RGL1: variants seen among roughly 807,000 people sequenced by gnomAD.
The protein encoded by RGL1 is ral guanine nucleotide dissociation stimulator-like 1.
A neutral mutation model predicts 95.2 loss-of-function variants in RGL1; 24 were observed. The ratio of observed to expected loss-of-function variants is 0.25; its 90% CI spans 0.18 to 0.35. The LOEUF (loss-of-function observed/expected upper bound fraction) is 0.35. Among genes scored for constraint, RGL1 ranks in the 10% least tolerant of loss-of-function variants. RGL1 has a pLI of 1.00. For synonymous variants in RGL1, 329 were observed against 344.9 expected (o/e 0.95, Z 0.51); for missense variants, 715 against 936.3 (o/e 0.76, Z 3.08).
intron 2 of RGL1, among the ~76,000 whole-genome samples, chr1:183,816,442 C>A (rs79623632): frequency 0.19 from 28,627 of 152,020 alleles, 2,854 homozygotes; most frequent in Middle Eastern, 0.21. Flanking sequence ...TACTGTGCTA[C>A]ACGTTGATTA....
At chr1:183,795,307 A>C (rs1452458900) in intron 2 of RGL1, among the ~76,000 whole-genome samples, 1 of 152,290 alleles carries the variant, frequency 6.6e-6, no homozygotes, top group Admixed American at 6.5e-5. Context: ...TGATAGAGTT[A>C]ACAGTCTAAT....
intron 15 of RGL1, 102 bp from the exon 16 acceptor site, chr1:183,916,345 C>A: frequency 7.3e-7 from 1 of 1,373,528 alleles, no homozygotes; most frequent in Admixed American, 1.9e-5. Flanking sequence ...GAGGAAATAA[C>A]TGCAGTCTAT....
intron 3 of RGL1, among the ~76,000 whole-genome samples, chr1:183,850,651 A>T (rs1189439761): frequency 1.3e-5 from 2 of 152,196 alleles, no homozygotes; most frequent in African/African-American, 2.4e-5. Context: ...TGCTTGACAA[A>T]ATAGGCCTGG....
exon 2 of RGL1, chr1:183,742,269 G>A: frequency 6.2e-7 from 1 of 1,614,036 alleles, no homozygotes; most frequent in Non-Finnish European, 8.5e-7. Context: ...TCGAATATGG[G>A]AAGTTTTAAA....
intron 2 of RGL1, among the ~76,000 whole-genome samples, chr1:183,757,017 G>GTTTTT (rs1334256397): frequency 1.2e-5 from 1 of 80,802 alleles, no homozygotes; most frequent in Non-Finnish European, 2.3e-5. Flanking sequence ...TGGGTGGTTT[G>GTTTTT]TTTGTTTTTT....
At position 183,884,838 on chromosome 1, in the gene RGL1, A is replaced by C; in HGVS notation, c.851A>C (p.Asn284Thr). ...PTIRATISQF[N>T]TLTKCVVSTI... ...ATCCGTGCCACCATCTCTCAGTTTA[A>C]TACCCTCACCAAATGTGTTGTCAGC... Residue 284 changes from asparagine (N) to threonine (T), a missense_variant, in exon 7 of 18, where the codon AAT (asparagine) becomes ACT (threonine). Physicochemically the swap from Asn to Thr is moderately conservative, Grantham distance 65. Around this residue, in one of 3 missense-constraint regions of RGL1, gnomAD observed 381 missense variants for 484.8 expected, o/e 0.79. Coordinates refer to ENST00000360851, the MANE Select transcript of RGL1 (RefSeq NM_001297671.3). 6.2e-7 allele frequency: 1 copy of C among 1,614,158 alleles called. No homozygotes were observed. The highest frequency in any genetic ancestry group is 8.5e-7 in the Non-Finnish European group (1 of 1,179,994).
chr1:183,745,156 C>A (rs1657547038), intron 2 of RGL1, among the ~76,000 whole-genome samples: 1 of 152,044 alleles, frequency 6.6e-6, no homozygotes, highest in South Asian at 2.1e-4. Context: ...TGGATATTGG[C>A]CATTTAGTTT....
At chr1:183,690,333 G>A (rs2102108892) in intron 1 of RGL1, among the ~76,000 whole-genome samples, 1 of 152,290 alleles carries the variant, frequency 6.6e-6, no homozygotes, top group South Asian at 2.1e-4. Context: ...GAAAGAAGTA[G>A]ATGCAGATTT....
intron 10 of RGL1, among the ~76,000 whole-genome samples, chr1:183,899,428 T>C (rs972456988): frequency 2.6e-5 from 4 of 152,216 alleles, no homozygotes; most frequent in Non-Finnish European, 5.9e-5. Flanking sequence ...ATCCAGGTAT[T>C]CTGTAGAATG....
intron 10 of RGL1, 81 bp downstream of exon 10, chr1:183,897,978 C>A (rs1667798845): frequency 8.6e-7 from 1 of 1,161,528 alleles, no homozygotes; most frequent in Non-Finnish European, 1.3e-6. Flanking sequence ...GGCACTGGCA[C>A]CTTCAGTCAA....
At chr1:183,850,612 A>G (rs1009064629) in intron 3 of RGL1, among the ~76,000 whole-genome samples, 18 of 152,208 alleles carry the variant, frequency 1.2e-4, no homozygotes, top group African/African-American at 4.3e-4. Context: ...CAGCACAGAT[A>G]GGAAGTTCTG....
chr1:183,882,562 C>T (rs1380277193), intron 5 of RGL1, among the ~76,000 whole-genome samples: 3 of 152,146 alleles, frequency 2.0e-5, no homozygotes, highest in South Asian at 4.1e-4. Flanking sequence ...TTAGCTTGTA[C>T]CTGTTTGTGT....
At chr1:183,753,641 A>G (rs777973368) in intron 2 of RGL1, among the ~76,000 whole-genome samples, 1 of 152,184 alleles carries the variant, frequency 6.6e-6, no homozygotes, top group Non-Finnish European at 1.5e-5. Flanking sequence ...GGTAATAAAC[A>G]AGCTGGCATT....
intron 1 of RGL1, among the ~76,000 whole-genome samples, chr1:183,639,073 A>G (rs1649738121): frequency 6.6e-6 from 1 of 152,200 alleles, no homozygotes; most frequent in African/African-American, 2.4e-5. Flanking sequence ...TGAGGTGAGG[A>G]GTTCAAGACC....
chr1:183,779,873 T>C (rs1293386978), intron 2 of RGL1, among the ~76,000 whole-genome samples: 3 of 152,066 alleles, frequency 2.0e-5, no homozygotes, highest in Admixed American at 1.3e-4. Flanking sequence ...ATTTTATGCA[T>C]AGTGTGTGGG....
At chr1:183,919,848 A>G (rs922243617) in intron 16 of RGL1, among the ~76,000 whole-genome samples, 2 of 152,232 alleles carry the variant, frequency 1.3e-5, no homozygotes, top group Non-Finnish European at 2.9e-5. Flanking sequence ...TACAGCAGCC[A>G]CTGGCCACGG....
At chr1:183,825,363 G>A (rs150269517) in intron 2 of RGL1, among the ~76,000 whole-genome samples, 73 of 152,296 alleles carry the variant, frequency 4.8e-4, no homozygotes, top group Middle Eastern at 3.4e-3. Flanking sequence ...TGTGAGTAAT[G>A]TCATGTTCAG....
intron 1 of RGL1, among the ~76,000 whole-genome samples, chr1:183,689,240 A>AAT (rs1653796357): frequency 6.6e-6 from 1 of 152,198 alleles, no homozygotes; most frequent in Admixed American, 6.6e-5. Context: ...TAAATTAAAA[A>AAT]ATATATATTC....
intron 1 of RGL1, among the ~76,000 whole-genome samples, chr1:183,674,095 A>G (rs1313618485): frequency 6.6e-6 from 1 of 152,154 alleles, no homozygotes; most frequent in African/African-American, 2.4e-5. Context: ...TCATCTTTCC[A>G]CAAAGGACTC....
Sources: allele counts gnomAD v4.1 joint callset (sites outside exome capture counted in the v4.1 genomes callset), GRCh38; gene constraint gnomAD v4.1.1; regional missense constraint gnomAD v4.1.1; transcripts MANE v1.5; gene names NCBI Gene and HGNC (gene_info 2026-07-23, HGNC 2026-07-21).